The following CALN1 variants were observed in gnomAD, a reference collection of about 807,000 sequenced individuals.
The protein encoded by CALN1 is calcium-binding protein 8.
CALN1 carries 17 observed loss-of-function variants against 30.6 expected under a neutral mutation model. The observed-to-expected ratio is 0.56, with a 90% CI of 0.38 to 0.83. CALN1 has a LOEUF of 0.83. Among genes scored for constraint, CALN1 ranks in the 40% least tolerant of loss-of-function variants. The probability of loss-of-function intolerance (pLI) is 0.00; values close to 1 mark genes in which losing one functional copy is unlikely to be tolerated. For missense variants in CALN1, 291 were observed against 354.9 expected, an observed-to-expected ratio of 0.82 and a Z score of 1.45; for synonymous variants, 156 against 131.4, an observed-to-expected ratio of 1.19 and a Z score of -1.28.
chr7:72,208,889 A>T (rs1389191451), intron 3 of CALN1, among the ~76,000 whole-genome samples: 1 of 152,124 alleles, frequency 6.6e-6, no homozygotes, highest in Non-Finnish European at 1.5e-5. Flanking sequence ...GGGATTTGAA[A>T]GGCATCACAC....
intron 3 of CALN1, among the ~76,000 whole-genome samples, chr7:72,186,885 CTTTTTTTTTTTTTT>C (rs34604151): frequency 1.1e-4 from 7 of 61,332 alleles, no homozygotes; most frequent in African/African-American, 4.2e-4. Flanking sequence ...GAGTGCAGAG[CTTTTTTTTTTTTTT>C]TTTTTTTTTT....
chr7:72,351,836 T>C (rs1009695699), intron 2 of CALN1, among the ~76,000 whole-genome samples: 5 of 152,352 alleles, frequency 3.3e-5, no homozygotes, highest in East Asian at 3.9e-4. Context: ...ATATTGTGAA[T>C]TGCATTTAAT....
At chr7:72,322,368 G>A (rs531554749) in intron 2 of CALN1, among the ~76,000 whole-genome samples, 4 of 152,232 alleles carry the variant, frequency 2.6e-5, no homozygotes, top group African/African-American at 9.6e-5. Flanking sequence ...AAGCAGCACC[G>A]CTCCCTTCCC....
intron 5 of CALN1, among the ~76,000 whole-genome samples, chr7:71,949,452 C>T (rs1171999674): frequency 6.6e-6 from 1 of 151,544 alleles, no homozygotes; most frequent in African/African-American, 2.4e-5. Flanking sequence ...GGTGTGATCT[C>T]AGCTCACTGC....
chr7:72,438,162 T>C (rs1409413961), intron 1 of CALN1, among the ~76,000 whole-genome samples: 1 of 151,744 alleles, frequency 6.6e-6, no homozygotes, highest in East Asian at 1.9e-4. Flanking sequence ...TTTTATTTTT[T>C]GTAGAGATGA....
In CALN1 at chr7:72,434,348, C is replaced by CAA. The variant is rs542641679; in HGVS notation, c.-226+12692_-226+12693dup. ...TAAAACCCCGTCTCTACTAAAATAC[C>CAA]AAAAAAAAAAAAAACAAAAAAAAAA... On this transcript the variant is annotated intron_variant, in intron 1 of 6. Coordinates refer to the CALN1 transcript ENST00000395276. Among the ~76,000 whole-genome samples, 623 of 105,214 alleles carry CAA rather than the reference C, an allele frequency of 5.9e-3. 4 individuals are homozygous for CAA. Among genetic ancestry groups the CAA allele is most frequent in the Middle Eastern group, 0.033 (7 of 210 alleles). The allele number at this position is 105,214 out of a possible 152,430, so 69.0% of individuals were successfully genotyped here.
intron 5 of CALN1, among the ~76,000 whole-genome samples, chr7:71,963,519 G>A (rs1213475904): frequency 6.6e-6 from 1 of 151,568 alleles, no homozygotes; most frequent in Non-Finnish European, 1.5e-5. Flanking sequence ...TGGCCAGGCT[G>A]GTCTTGAACT....
At chr7:72,349,655 C>G (rs1585557130) in intron 2 of CALN1, among the ~76,000 whole-genome samples, 1 of 152,154 alleles carries the variant, frequency 6.6e-6, no homozygotes, top group East Asian at 1.9e-4. Context: ...TGAGAATTGT[C>G]ATGACGGTTT....
rs201708635 is a variant in CALN1, at chr7:72,284,352, T to C, written c.120-5542A>G. 2.0e-5 allele frequency among the ~76,000 whole-genome samples: 3 copies of C among 152,342 alleles called. No individual in the cohort carries two copies. In the East Asian group the frequency reaches 5.8e-4, roughly 29 times the overall value. ...CCTCATTCACATTAACTTGAAATGA[T>C]GCCCTTTTGTGATGGTCAGTTTTAT... On this transcript the variant is annotated intron_variant, in intron 2 of 6. Coordinates refer to ENST00000395275, the MANE Select transcript of CALN1 (RefSeq NM_031468.4).
chr7:72,299,798 G>C (rs1245190355), intron 2 of CALN1, among the ~76,000 whole-genome samples: 1 of 150,080 alleles, frequency 6.7e-6, no homozygotes, highest in South Asian at 2.1e-4. Flanking sequence ...ACCTCCCAAA[G>C]TGCTAGCATT....
At chr7:71,809,931 A>G (rs898220979) in intron 6 of CALN1, among the ~76,000 whole-genome samples, 1 of 151,984 alleles carries the variant, frequency 6.6e-6, no homozygotes, top group East Asian at 1.9e-4. Flanking sequence ...ATGAGGAAAC[A>G]CAGAGAAGGT....
In CALN1 at chr7:72,402,203, C is replaced by T. The variant is rs73702935; in HGVS notation, c.119+1048G>A. On this transcript the variant is annotated intron_variant, in intron 2 of 6. Transcript: ENST00000395275. ...GCGTTCTCTTGGCCAGGGGTCTCAT[C>T]AGCTCCTGCCCTTGACTTCTCAAAT... 3.0e-3 allele frequency among the ~76,000 whole-genome samples: 454 copies of T among 152,330 alleles called. 1 individual carries two copies. Among genetic ancestry groups the T allele is most frequent in the African/African-American group, 1.0e-2 (414 of 41,574 alleles).
intron 4 of CALN1, among the ~76,000 whole-genome samples, chr7:72,038,053 C>T (rs1385938539): frequency 6.6e-6 from 1 of 152,214 alleles, no homozygotes; most frequent in Non-Finnish European, 1.5e-5. Flanking sequence ...GGGCCAGGTG[C>T]ACCACCAATG....
intron 2 of CALN1, among the ~76,000 whole-genome samples, chr7:72,378,160 G>C (rs962642113): frequency 1.3e-4 from 20 of 152,250 alleles, no homozygotes; most frequent in African/African-American, 3.8e-4. Flanking sequence ...AGTTAGATGA[G>C]AAAAAGTCAA....
intron 6 of CALN1, among the ~76,000 whole-genome samples, chr7:71,790,105 G>GGA (rs565036407): frequency 3.5e-4 from 51 of 147,656 alleles, no homozygotes; most frequent in South Asian, 2.6e-3. Flanking sequence ...AGACCCTGCA[G>GGA]GAGAGAGAGA....
intron 3 of CALN1, among the ~76,000 whole-genome samples, chr7:72,189,560 GC>G: frequency 6.6e-6 from 1 of 152,090 alleles, no homozygotes; most frequent in Middle Eastern, 3.4e-3. Flanking sequence ...ATCACTTGAG[GC>G]CATGAGTTCA....
At chr7:72,121,179 TATATTATGTATTATATTATATATAATTCC>T (rs1808352780) in intron 3 of CALN1, among the ~76,000 whole-genome samples, 1 of 144,782 alleles carries the variant, frequency 6.9e-6, no homozygotes, top group African/African-American at 2.5e-5. Context: ...TATATAATTA[TATATTATGTATTATATTATATATAATTCC>T]ATATTATGTA....
chr7:71,932,686 G>C (rs1227383247), intron 5 of CALN1, among the ~76,000 whole-genome samples: 1 of 151,376 alleles, frequency 6.6e-6, no homozygotes, highest in South Asian at 2.1e-4. Flanking sequence ...GCGTGGTGGC[G>C]GGCACCTGTA....
intron 2 of CALN1, among the ~76,000 whole-genome samples, chr7:72,385,184 T>G (rs940991188): frequency 6.6e-6 from 1 of 152,198 alleles, no homozygotes; most frequent in East Asian, 1.9e-4. Context: ...CAACAAGAAC[T>G]TTCTTGATGA....
Sources: allele counts gnomAD v4.1 joint callset (sites outside exome capture counted in the v4.1 genomes callset), GRCh38; gene constraint gnomAD v4.1.1; transcripts MANE v1.5; gene names NCBI Gene and HGNC (gene_info 2026-07-23, HGNC 2026-07-21).